JARID2: variants seen among roughly 807,000 people sequenced by gnomAD.
The protein encoded by JARID2 is jumonji and AT-rich interaction domain containing 2.
In JARID2, 21 loss-of-function variants were observed where a neutral mutation model predicts 125.6. That is an observed-to-expected ratio of 0.17 (90% confidence interval 0.12 to 0.24). The LOEUF is 0.24. JARID2 is among the 10% of genes least tolerant of loss of function. The pLI, the probability that JARID2 is intolerant of heterozygous loss-of-function variation, is 1.00. For missense variants in JARID2, 1,303 were observed against 1,639.6 expected (o/e 0.79, Z 3.55); for synonymous variants, 736 against 661.6 (o/e 1.11, Z -1.73).
At chr6:15,415,715 C>T (rs1008528413) in intron 3 of JARID2, among the ~76,000 whole-genome samples, 8 of 147,428 alleles carry the variant, frequency 5.4e-5, no homozygotes, top group African/African-American at 1.8e-4. Context: ...ACCTCCTTCC[C>T]GGACGGGGCG....
At chr6:15,433,956 GT>G (rs1767088882) in intron 3 of JARID2, among the ~76,000 whole-genome samples, 1 of 148,552 alleles carries the variant, frequency 6.7e-6, no homozygotes, top group South Asian at 2.1e-4. Context: ...GTGTGTGTGT[GT>G]GTGTGTGTGT....
At chr6:15,324,026 C>T (rs995484969) in intron 1 of JARID2, among the ~76,000 whole-genome samples, 6 of 146,100 alleles carry the variant, frequency 4.1e-5, no homozygotes, top group African/African-American at 1.5e-4. Context: ...ACTAAAAATA[C>T]AAAAAATTAG....
intron 1 of JARID2, among the ~76,000 whole-genome samples, chr6:15,349,367 A>G (rs1296237548): frequency 6.6e-6 from 1 of 152,156 alleles, no homozygotes; most frequent in Non-Finnish European, 1.5e-5. Flanking sequence ...TGTGTGCCCT[A>G]ATTAGTTACG....
At chr6:15,279,378 G>T (rs942878643) in intron 1 of JARID2, among the ~76,000 whole-genome samples, 1 of 152,148 alleles carries the variant, frequency 6.6e-6, no homozygotes, top group Non-Finnish European at 1.5e-5. Context: ...GTTTGATTTT[G>T]TTGGCGGTGG....
intron 1 of JARID2, among the ~76,000 whole-genome samples, chr6:15,318,847 G>C (rs182947677): frequency 6.2e-4 from 95 of 152,328 alleles, no homozygotes; most frequent in Non-Finnish European, 1.2e-3. Context: ...GGCGAGAAAG[G>C]GGGTGGTGGT....
rs148418796 is a variant in JARID2, at chr6:15,421,538, C to T, written c.323+11173C>T. Among the ~76,000 whole-genome samples the T allele has an allele frequency of 2.0e-5, 3 of 152,192 alleles. No individual in the cohort carries two copies. The East Asian group carries it at 5.8e-4, about 29-fold the overall frequency. ...CTCCATTCCATAATAAAGCCTGTGA[C>T]TATTAGAAGTCCTTCTTTGAAGCTA... On this transcript the variant is annotated intron_variant, in intron 3 of 17. Transcript: ENST00000341776.
chr6:15,347,612 A>G (rs769322021), intron 1 of JARID2, among the ~76,000 whole-genome samples: 2 of 152,210 alleles, frequency 1.3e-5, no homozygotes, highest in Non-Finnish European at 2.9e-5. Context: ...TTCTTCACCA[A>G]TTACACCAAT....
intron 5 of JARID2, among the ~76,000 whole-genome samples, chr6:15,471,792 G>C (rs1032624666): frequency 6.6e-6 from 1 of 152,112 alleles, no homozygotes; most frequent in African/African-American, 2.4e-5. Flanking sequence ...ATGAAAGAAG[G>C]GGATGGAATG....
At position 15,464,421 on chromosome 6, in the gene JARID2, C is replaced by A. The variant is rs149009850; in HGVS notation, c.494-4121C>A. ...AGGTATGAGGGTGCCCGACCAAATT[C>A]TGGAGGTCTGTTCCTTCTAGGGGAG... On this transcript the variant is annotated intron_variant, in intron 4 of 17. Coordinates refer to ENST00000341776, the MANE Select transcript of JARID2 (RefSeq NM_004973.4). Among the ~76,000 whole-genome samples, 17 of 152,340 alleles carry A rather than the reference C, an allele frequency of 1.1e-4. No homozygotes were observed. In the East Asian group the frequency reaches 3.3e-3, roughly 29 times the overall value.
chr6:15,374,234 A>G lies in JARID2; in HGVS notation c.163A>G (p.Ser55Gly). Residue 55 changes from serine to glycine, a missense_variant, in exon 2 of 18, where the codon AGC becomes GGC. Ser to Gly is a moderately conservative substitution (Grantham distance 56, BLOSUM62 0). Coordinates refer to ENST00000341776, the MANE Select transcript of JARID2 (RefSeq NM_004973.4). Reference protein sequence around the residue: ...KRQHAEGIAGSLKTVNGLLGN... With the variant: ...KRQHAEGIAGGLKTVNGLLGN... ...GCAGCATGCGGAAGGCATTGCTGGG[A>G]GCCTGAAAACTGTGAATGGTGAGTT... 6.2e-7 allele frequency: 1 copy of G among 1,614,050 alleles called. No individual in the cohort carries two copies. The highest frequency in any genetic ancestry group is 1.1e-5 in the South Asian group (1 of 91,068).
At chr6:15,466,780 C>T (rs1768760649) in intron 4 of JARID2, among the ~76,000 whole-genome samples, 1 of 152,088 alleles carries the variant, frequency 6.6e-6, no homozygotes, top group Admixed American at 6.5e-5. Context: ...TATTTTGGTC[C>T]AGTGGAAATG....
intron 1 of JARID2, among the ~76,000 whole-genome samples, chr6:15,321,783 GTTTTTTTTT>G (rs71687714): frequency 4.4e-5 from 3 of 68,474 alleles, no homozygotes; most frequent in Admixed American, 2.4e-4. Context: ...AAGAATTCTT[GTTTTTTTTT>G]TTTTTTTTTT....
At chr6:15,348,644 C>G (rs1016181456) in intron 1 of JARID2, among the ~76,000 whole-genome samples, 1 of 152,148 alleles carries the variant, frequency 6.6e-6, no homozygotes, top group African/African-American at 2.4e-5. Context: ...GAGAATTGCT[C>G]TTGCTTTCTT....
chr6:15,419,053 A>T (rs183817205), intron 3 of JARID2, among the ~76,000 whole-genome samples: 4 of 152,336 alleles, frequency 2.6e-5, no homozygotes, highest in Admixed American at 6.5e-5. Context: ...TATATTAAAT[A>T]AGTGCCTAGT....
chr6:15,257,502 T>TA (rs1184766450), intron 1 of JARID2, among the ~76,000 whole-genome samples: 48 of 152,236 alleles, frequency 3.2e-4, no homozygotes, highest in African/African-American at 9.6e-4. Flanking sequence ...GGTTGATAGT[T>TA]ACCACTATTT....
At chr6:15,473,404 G>A (rs764144493) in intron 5 of JARID2, among the ~76,000 whole-genome samples, 7 of 150,044 alleles carry the variant, frequency 4.7e-5, no homozygotes, top group Non-Finnish European at 8.8e-5. Context: ...AGGTCTTTAC[G>A]TGTGTTTCTC....
chr6:15,254,091 G>A (rs549794814), intron 1 of JARID2, among the ~76,000 whole-genome samples: 180 of 152,296 alleles, frequency 1.2e-3, no homozygotes, highest in African/African-American at 4.1e-3. Context: ...AGAAGTGTCC[G>A]TCTTCCCTGC....
intron 5 of JARID2, among the ~76,000 whole-genome samples, chr6:15,481,600 C>T (rs539650318): frequency 1.3e-5 from 2 of 152,238 alleles, no homozygotes; most frequent in East Asian, 3.9e-4. Flanking sequence ...TATACCTTGT[C>T]TTTGGCTCTG....
At chr6:15,400,806 C>T (rs1175963723) in intron 2 of JARID2, 9 of 1,245,154 alleles carry the variant, frequency 7.2e-6, no homozygotes, top group African/African-American at 3.1e-5. Context: ...CCTATTGCCG[C>T]GCGGAATCTG....
Sources: gnomAD v4.1 joint callset for allele counts (sites outside exome capture counted in the v4.1 genomes callset) on GRCh38, gnomAD v4.1.1 for gene constraint, MANE v1.5 for transcripts, NCBI Gene and HGNC (gene_info 2026-07-23, HGNC 2026-07-21) for gene names.